Variants in DLGAP3 observed in about 807,000 individuals in gnomAD.
The protein encoded by DLGAP3 is DLG associated protein 3, also known as disks large-associated protein 3.
Under a neutral mutation model 81.2 loss-of-function variants are expected in DLGAP3, and 17 were observed. The observed-to-expected ratio is 0.21, with a 90% CI of 0.14 to 0.31. DLGAP3 has a LOEUF of 0.31. Ranked by LOEUF, DLGAP3 falls within the 10% of genes least tolerant of loss-of-function variation. The probability of loss-of-function intolerance (pLI) is 1.00; values close to 1 mark genes in which losing one functional copy is unlikely to be tolerated. For missense variants in DLGAP3, 1,124 were observed against 1,388.0 expected (o/e 0.81, Z 3.02); for synonymous variants, 577 against 587.4 (o/e 0.98, Z 0.26).
chr1:34,884,692 A>G (rs149837794), intron 8 of DLGAP3, among the ~76,000 whole-genome samples: 2 of 152,248 alleles, frequency 1.3e-5, no homozygotes, highest in Non-Finnish European at 2.9e-5. Context: ...CGGCACCTAC[A>G]TGTAACCTTT....
At position 34,904,510 on chromosome 1, in the gene DLGAP3, G is replaced by A. The variant is rs867239451; in HGVS notation, c.874C>T (p.Pro292Ser). ...EPGGPFCLEG[P>S]DGSYRDLSFK... ...CTCAAGTCCCGGTAGGACCCATCTG[G>A]ACCCTCCAGGCAGAAGGGACCACCA... Residue 292 changes from proline to serine, a missense_variant, in exon 3 of 12, where the codon CCA (proline) becomes TCA (serine). Transcript: ENST00000373347. The surrounding 1 kb of genome is among the most constrained non-coding windows in gnomAD (Gnocchi z 8.1). The A allele has an allele frequency of 1.2e-6, 2 of 1,614,190 alleles. No homozygotes were observed. The highest frequency in any genetic ancestry group is 1.7e-5 in the Admixed American group (1 of 60,034).
intron 1 of DLGAP3, among the ~76,000 whole-genome samples, chr1:34,927,475 CG>C (rs1275216864): frequency 6.6e-6 from 1 of 152,166 alleles, no homozygotes; most frequent in African/African-American, 2.4e-5. Flanking sequence ...CAAGCTCACT[CG>C]TTGGATGTGA....
intron 7 of DLGAP3, 62 bp downstream of exon 7, chr1:34,885,416 C>A (rs992974794): frequency 3.4e-5 from 53 of 1,553,010 alleles, no homozygotes; most frequent in Non-Finnish European, 3.9e-5. Flanking sequence ...CGCTTCCAGC[C>A]CCTCACCCCA....
At chr1:34,915,305 C>A (rs1639700053) in intron 1 of DLGAP3, among the ~76,000 whole-genome samples, 1 of 152,190 alleles carries the variant, frequency 6.6e-6, no homozygotes, top group South Asian at 2.1e-4. Context: ...ACTTTAGCAC[C>A]AAAGCACCTT....
At chr1:34,896,585 TCACA>T (rs10593156) in intron 5 of DLGAP3, among the ~76,000 whole-genome samples, 81 of 146,820 alleles carry the variant, frequency 5.5e-4, no homozygotes, top group South Asian at 5.2e-3. Flanking sequence ...CCAGACTCCA[TCACA>T]CACACACACA....
intron 1 of DLGAP3, among the ~76,000 whole-genome samples, chr1:34,921,194 C>A (rs888106681): frequency 6.6e-6 from 1 of 152,174 alleles, no homozygotes; most frequent in Non-Finnish European, 1.5e-5. Flanking sequence ...GCTCAGGACG[C>A]ACTACACTTT....
Position 34,868,573 on chromosome 1 carries a change from C to T in DLGAP3, c.2485+32G>A, listed in dbSNP as rs201018781. ...TGAGCACACACGAGGCCATGGTCCC[C>T]AGAGTCCCCTTGTTCCGATGCCGTG... On this transcript the variant is annotated intron_variant, in intron 9 of 11. Transcript: ENST00000373347. This position sits in a 1 kb window ranked among gnomAD's most constrained non-coding sequence, Gnocchi z 7.5. 3.3e-5 allele frequency: 52 copies of T among 1,584,538 alleles called. No homozygotes were observed. In the East Asian group the frequency reaches 1.1e-3, roughly 35 times the overall value.
chr1:34,866,358 G>A (rs1297270881), intron 11 of DLGAP3, 57 bp from the exon 12 acceptor site: 2 of 1,373,614 alleles, frequency 1.5e-6, no homozygotes, highest in Non-Finnish European at 9.7e-7. Flanking sequence ...ACACCCAGGT[G>A]TCCGCCCCCG....
chr1:34,876,978 C>T (rs1266516506), intron 8 of DLGAP3, among the ~76,000 whole-genome samples: 3 of 152,154 alleles, frequency 2.0e-5, no homozygotes, highest in Non-Finnish European at 2.9e-5. Flanking sequence ...ACACCCTAAA[C>T]GCATAGAAAT....
At chr1:34,901,790 G>T (rs1639464575) in intron 3 of DLGAP3, among the ~76,000 whole-genome samples, 1 of 152,200 alleles carries the variant, frequency 6.6e-6, no homozygotes, top group Admixed American at 6.5e-5. Flanking sequence ...TGAAGAGTAG[G>T]TGTCTATGCT....
intron 8 of DLGAP3, among the ~76,000 whole-genome samples, chr1:34,874,841 A>C (rs2148395715): frequency 7.1e-6 from 1 of 141,528 alleles, no homozygotes; most frequent in Middle Eastern, 3.5e-3. Context: ...GGGAGTGGGC[A>C]GGGAGGGGGA....
At chr1:34,872,241 G>A (rs919029741) in intron 8 of DLGAP3, among the ~76,000 whole-genome samples, 8 of 152,162 alleles carry the variant, frequency 5.3e-5, no homozygotes, top group Admixed American at 2.6e-4. Flanking sequence ...CATGGAAAAC[G>A]CAGCCGGTTA....
At chr1:34,879,045 CG>C (rs1639102827) in intron 8 of DLGAP3, among the ~76,000 whole-genome samples, 1 of 146,356 alleles carries the variant, frequency 6.8e-6, no homozygotes, top group Admixed American at 6.9e-5. Flanking sequence ...GCACTCCACC[CG>C]GGGCGAGAGC....
In DLGAP3 at chr1:34,886,254, G is replaced by A; in HGVS notation, c.1418C>T (p.Ala473Val). 6.2e-7 allele frequency: 1 copy of A among 1,605,306 alleles called. No individual in the cohort carries two copies. Among genetic ancestry groups the A allele is most frequent in the Non-Finnish European group, 8.5e-7 (1 of 1,175,958 alleles). ...CTCCCCAAACACCGACCCGCACACG[G>A]CCTCCAGCTGCTGGTTCAACTCATC... ...LSDELNQQLEAVCGSVFGELE... is the reference protein window; with the variant it reads ...LSDELNQQLEVVCGSVFGELE... Residue 473 changes from alanine to valine, a missense_variant, in exon 6 of 12, where the codon GCC becomes GTC. Around this residue, in one of 9 missense-constraint regions of DLGAP3, gnomAD observed 357 missense variants for 408.8 expected, o/e 0.87. Transcript: ENST00000373347.
intron 1 of DLGAP3, among the ~76,000 whole-genome samples, chr1:34,915,894 T>C (rs935781126): frequency 1.3e-5 from 2 of 152,136 alleles, no homozygotes; most frequent in African/African-American, 4.8e-5. Context: ...GGGTGTACTC[T>C]CTTCCAAGAG....
At chr1:34,910,966 T>C (rs1438840289) in intron 1 of DLGAP3, among the ~76,000 whole-genome samples, 1 of 152,104 alleles carries the variant, frequency 6.6e-6, no homozygotes, top group Non-Finnish European at 1.5e-5. Flanking sequence ...CAAGATGCTT[T>C]CGTTTATGAT....
At chr1:34,889,213 C>T (rs916015999) in intron 5 of DLGAP3, among the ~76,000 whole-genome samples, 1 of 152,192 alleles carries the variant, frequency 6.6e-6, no homozygotes, top group Non-Finnish European at 1.5e-5. Flanking sequence ...ACAGGCAATA[C>T]TCACAACCAA....
intron 8 of DLGAP3, among the ~76,000 whole-genome samples, chr1:34,871,095 A>T (rs952201874): frequency 1.3e-5 from 2 of 152,082 alleles, no homozygotes; most frequent in African/African-American, 4.8e-5. Flanking sequence ...TCCACCCAAG[A>T]CTGGAATAGT....
chr1:34,894,274 A>G (rs1184619103), intron 5 of DLGAP3, among the ~76,000 whole-genome samples: 2 of 151,930 alleles, frequency 1.3e-5, no homozygotes, highest in Non-Finnish European at 2.9e-5. Flanking sequence ...CAAAAAAAAA[A>G]AAAAAACCAT....
Sources: gnomAD v4.1 joint callset for allele counts (sites outside exome capture counted in the v4.1 genomes callset) on GRCh38, gnomAD v4.1.1 for gene constraint, gnomAD v4.1.1 regional missense constraint, Gnocchi (gnomAD v3.1) non-coding constraint, MANE v1.5 for transcripts, NCBI Gene and HGNC (gene_info 2026-07-23, HGNC 2026-07-21) for gene names.